Variants in DPP6 observed in about 807,000 individuals in gnomAD.
DPP6 encodes A-type potassium channel modulatory protein DPP6.
In DPP6, 69 loss-of-function variants were observed where a neutral mutation model predicts 122.6. The ratio of observed to expected loss-of-function variants is 0.56; its 90% CI spans 0.46 to 0.69. The LOEUF is 0.69. Among genes scored for constraint, DPP6 ranks in the 30% least tolerant of loss-of-function variants. DPP6 has a pLI of 0.00. For missense variants in DPP6, 928 were observed against 1,116.9 expected (o/e 0.83, Z 2.41); for synonymous variants, 418 against 433.1 (o/e 0.97, Z 0.43).
chr7:153,897,473 C>G (rs1308342403), intron 1 of DPP6, among the ~76,000 whole-genome samples: 1 of 152,192 alleles, frequency 6.6e-6, no homozygotes, highest in Admixed American at 6.5e-5. Context: ...TTCTTAAGTT[C>G]GGAAGATACA....
chr7:153,988,359 C>G (rs956518175), intron 1 of DPP6, among the ~76,000 whole-genome samples: 16 of 50,886 alleles, frequency 3.1e-4, no homozygotes, highest in Non-Finnish European at 5.8e-4. Flanking sequence ...TGCGACCCAT[C>G]AGAAAGTGGA....
At chr7:154,090,192 C>T (rs558579292) in intron 1 of DPP6, among the ~76,000 whole-genome samples, 121 of 152,096 alleles carry the variant, frequency 8.0e-4, no homozygotes, top group African/African-American at 2.8e-3. Flanking sequence ...AGCAAAGTAG[C>T]CTTCATCTTT....
chr7:153,752,264 T>C, the DPP6 span, among the ~76,000 whole-genome samples: 2 of 151,438 alleles, frequency 1.3e-5, no homozygotes, highest in Non-Finnish European at 2.9e-5. Flanking sequence ...TTTTTTTTTT[T>C]TTTTGAGACC....
intron 1 of DPP6, among the ~76,000 whole-genome samples, chr7:154,023,131 T>C (rs1162772986): frequency 4.0e-5 from 6 of 151,892 alleles, no homozygotes; most frequent in Non-Finnish European, 7.4e-5. Context: ...GTACCTTTAG[T>C]GAGTCCAGGA....
chr7:154,276,332 C>A (rs1300150644), intron 1 of DPP6, among the ~76,000 whole-genome samples: 3 of 152,156 alleles, frequency 2.0e-5, no homozygotes, highest in Non-Finnish European at 4.4e-5. Flanking sequence ...GTTAATGCCC[C>A]GTAGGCCTCT....
At chr7:153,825,495 A>G in the DPP6 span, among the ~76,000 whole-genome samples, 1 of 152,182 alleles carries the variant, frequency 6.6e-6, no homozygotes, top group South Asian at 2.1e-4. Context: ...TCTTCCCTCC[A>G]TTGTACCAGA....
chr7:154,092,936 G>A (rs555538010), intron 1 of DPP6: 13 of 152,186 alleles, frequency 8.5e-5, no homozygotes, highest in Non-Finnish European at 1.5e-4. Flanking sequence ...ATATGGAGCC[G>A]TCGTGAGCTT....
chr7:154,150,870 G>A (rs1796377401), intron 1 of DPP6, among the ~76,000 whole-genome samples: 1 of 152,296 alleles, frequency 6.6e-6, no homozygotes, highest in Admixed American at 6.5e-5. Context: ...TCACTCACTT[G>A]GGCCTCTTTG....
At chr7:154,336,292 A>G (rs528018959) in intron 1 of DPP6, among the ~76,000 whole-genome samples, 49 of 152,292 alleles carry the variant, frequency 3.2e-4, no homozygotes, top group African/African-American at 1.2e-3. Context: ...TGCAGGCAGA[A>G]GATGCACGGC....
At chr7:154,054,144 C>T (rs1800623205) in intron 1 of DPP6, among the ~76,000 whole-genome samples, 3 of 151,962 alleles carry the variant, frequency 2.0e-5, no homozygotes, top group African/African-American at 7.2e-5. Flanking sequence ...ACTGCTCAAC[C>T]TGGGAACCGC....
intron 16 of DPP6, among the ~76,000 whole-genome samples, chr7:154,848,837 A>C (rs1227084441): frequency 6.6e-6 from 1 of 151,926 alleles, no homozygotes; most frequent in Admixed American, 6.6e-5. Flanking sequence ...TGATTATTGT[A>C]TAAGGAGTGA....
chr7:154,322,626 T>C (rs1808074410), intron 1 of DPP6, among the ~76,000 whole-genome samples: 3 of 152,228 alleles, frequency 2.0e-5, no homozygotes, highest in Admixed American at 1.3e-4. Context: ...TAAGAGTAGA[T>C]TCCTGAAACC....
chr7:154,845,815 A>C (rs1801897605), intron 16 of DPP6, among the ~76,000 whole-genome samples: 4 of 152,270 alleles, frequency 2.6e-5, no homozygotes, highest in Non-Finnish European at 5.9e-5. Context: ...CTAAAATGTG[A>C]ACTGTTTCGA....
intron 1 of DPP6, among the ~76,000 whole-genome samples, chr7:153,954,976 G>T (rs74329558): frequency 6.6e-6 from 1 of 152,324 alleles, no homozygotes; most frequent in Non-Finnish European, 1.5e-5. Flanking sequence ...TGAATGCAAG[G>T]TGTCAGAAGT....
At chr7:154,822,344 G>C (rs1465171232) in intron 16 of DPP6, among the ~76,000 whole-genome samples, 2 of 152,224 alleles carry the variant, frequency 1.3e-5, no homozygotes, top group African/African-American at 2.4e-5. Flanking sequence ...GTGAGGGCGT[G>C]CTATCTCGCT....
intron 5 of DPP6, among the ~76,000 whole-genome samples, chr7:154,588,837 A>T (rs1231623587): frequency 6.6e-6 from 1 of 152,226 alleles, no homozygotes. Flanking sequence ...ATTAATGAGC[A>T]GGAGGCTTAT....
intron 16 of DPP6, among the ~76,000 whole-genome samples, chr7:154,816,933 C>T (rs1173277781): frequency 1.3e-5 from 2 of 152,170 alleles, no homozygotes; most frequent in African/African-American, 2.4e-5. Context: ...ATGTGTCCAC[C>T]GTGGTCCTCA....
intron 3 of DPP6, among the ~76,000 whole-genome samples, chr7:154,491,071 T>C (rs550684342): frequency 6.6e-6 from 1 of 152,258 alleles, no homozygotes; most frequent in East Asian, 1.9e-4. Flanking sequence ...ATCAGAGGGG[T>C]GCATGGCAAC....
At chr7:154,068,156 T>C (rs2429604) in intron 1 of DPP6, among the ~76,000 whole-genome samples, 1 of 152,116 alleles carries the variant, frequency 6.6e-6, no homozygotes, top group Non-Finnish European at 1.5e-5. Flanking sequence ...CTGCAGCATG[T>C]CCTTAGGGGT....
Sources: gnomAD v4.1 joint callset for allele counts (sites outside exome capture counted in the v4.1 genomes callset) on GRCh38, gnomAD v4.1.1 for gene constraint, MANE v1.5 for transcripts, NCBI Gene and HGNC (gene_info 2026-07-23, HGNC 2026-07-21) for gene names.